Variants in PRUNE2 observed in about 807,000 individuals in gnomAD.
The protein encoded by PRUNE2 is protein prune homolog 2.
PRUNE2 carries 164 observed loss-of-function variants against 252.0 expected under a neutral mutation model. The ratio of observed to expected loss-of-function variants is 0.65; its 90% CI spans 0.57 to 0.74. PRUNE2 has a LOEUF of 0.74. Among genes scored for constraint, PRUNE2 ranks in the 30% least tolerant of loss-of-function variants. The pLI, the probability that PRUNE2 is intolerant of heterozygous loss-of-function variation, is 0.00. For missense variants in PRUNE2, 3,495 were observed against 3,711.0 expected, an observed-to-expected ratio of 0.94 and a Z score of 1.51; for synonymous variants, 1,292 against 1,350.2, an observed-to-expected ratio of 0.96 and a Z score of 0.94.
rs192056511 is a variant in PRUNE2 at position 76,670,230 on chromosome 9, C to T, written c.8277-14728G>A. On this transcript the variant is annotated intron_variant, in intron 9 of 18. Transcript: ENST00000376718. Reference sequence around the variant, plus strand: ...GAGCCGAAGCAGGGCGAGGCATTGCCTCCCTTGGGAAGCGCGAGGGGTCAG... The same window carrying T: ...GAGCCGAAGCAGGGCGAGGCATTGCTTCCCTTGGGAAGCGCGAGGGGTCAG... Among the ~76,000 whole-genome samples, 26 of 152,320 alleles carry T rather than the reference C, an allele frequency of 1.7e-4. No homozygotes were observed. In the East Asian group the frequency reaches 1.9e-3, roughly 11 times the overall value.
intron 6 of PRUNE2, among the ~76,000 whole-genome samples, chr9:76,743,404 G>A (rs12345844): frequency 0.011 from 1,711 of 152,314 alleles, 30 homozygotes; most frequent in African/African-American, 0.038. Flanking sequence ...AGATATACAC[G>A]TGAGAATAGT....
At chr9:76,847,260 A>AG (rs1477116724) in intron 3 of PRUNE2, among the ~76,000 whole-genome samples, 13 of 151,412 alleles carry the variant, frequency 8.6e-5, no homozygotes, top group African/African-American at 2.9e-4. Context: ...ATGGAGGCTG[A>AG]GGTTGCAGTG....
chr9:76,642,001 T>TAAAAAAAAAAAAAAAAAAAGAAA, intron 12 of PRUNE2: 1 of 1,010,458 alleles, frequency 9.9e-7, no homozygotes, highest in Admixed American at 3.4e-5. Context: ...ATAAGAGAAG[T>TAAAAAAAAAAAAAAAAAAAGAAA]AAAAAAAAAA....
intron 6 of PRUNE2, among the ~76,000 whole-genome samples, chr9:76,776,945 CAA>C: frequency 7.2e-6 from 1 of 138,670 alleles, no homozygotes; most frequent in Non-Finnish European, 1.5e-5. Context: ...CACACACACA[CAA>C]AGGGCCTGGA....
chr9:76,858,018 C>A (rs1260363065), intron 1 of PRUNE2, among the ~76,000 whole-genome samples: 2 of 152,188 alleles, frequency 1.3e-5, no homozygotes, highest in Non-Finnish European at 2.9e-5. Flanking sequence ...AATCTTAATA[C>A]TGATGTCCCT....
chr9:76,724,149 AG>A (rs2047890399), intron 6 of PRUNE2, among the ~76,000 whole-genome samples: 1 of 149,754 alleles, frequency 6.7e-6, no homozygotes, highest in Non-Finnish European at 1.5e-5. Context: ...TTCATCTGAA[AG>A]CACAGGTTAA....
chr9:76,846,088 C>T (rs941497588), intron 4 of PRUNE2, among the ~76,000 whole-genome samples: 4 of 152,126 alleles, frequency 2.6e-5, no homozygotes, highest in East Asian at 1.9e-4. Flanking sequence ...ATGAAGGGTA[C>T]GTATTTTGCC....
At chr9:76,882,951 T>C (rs1220866641) in intron 1 of PRUNE2, among the ~76,000 whole-genome samples, 1 of 152,076 alleles carries the variant, frequency 6.6e-6, no homozygotes, top group East Asian at 1.9e-4. Flanking sequence ...CCAGAGCTGC[T>C]CTTTATTAGG....
intron 6 of PRUNE2, among the ~76,000 whole-genome samples, chr9:76,715,045 T>C (rs1376127001): frequency 1.3e-5 from 2 of 152,338 alleles, no homozygotes; most frequent in African/African-American, 2.4e-5. Flanking sequence ...CTGATTATAA[T>C]AGCAATCAGA....
intron 9 of PRUNE2, among the ~76,000 whole-genome samples, chr9:76,671,122 C>T (rs1003321939): frequency 1.3e-4 from 20 of 151,692 alleles, no homozygotes; most frequent in Middle Eastern, 6.8e-3. Flanking sequence ...AGGAGGACAT[C>T]CAAACCAAAG....
At chr9:76,883,277 C>T (rs2061898473) in intron 1 of PRUNE2, among the ~76,000 whole-genome samples, 1 of 152,228 alleles carries the variant, frequency 6.6e-6, no homozygotes. Flanking sequence ...ATCCATCTTA[C>T]TCCCCACAGT....
At chr9:76,833,375 A>G (rs1232988661) in intron 4 of PRUNE2, among the ~76,000 whole-genome samples, 1 of 152,228 alleles carries the variant, frequency 6.6e-6, no homozygotes, top group Non-Finnish European at 1.5e-5. Flanking sequence ...TCAAGTAGTA[A>G]AACTACTTCA....
chr9:76,714,672 C>T (rs996316613), intron 6 of PRUNE2, among the ~76,000 whole-genome samples: 5 of 152,218 alleles, frequency 3.3e-5, no homozygotes, highest in African/African-American at 1.2e-4. Flanking sequence ...GCTGGGCTTA[C>T]AGGCGTAAGA....
intron 9 of PRUNE2, among the ~76,000 whole-genome samples, chr9:76,678,710 T>C (rs1242267502): frequency 6.6e-6 from 1 of 152,112 alleles, no homozygotes; most frequent in Non-Finnish European, 1.5e-5. Context: ...GCGCCTGTAG[T>C]CCCAGCTACT....
chr9:76,829,847 T>C (rs2058569231), intron 4 of PRUNE2, among the ~76,000 whole-genome samples: 1 of 152,006 alleles, frequency 6.6e-6, no homozygotes, highest in South Asian at 2.1e-4. Flanking sequence ...TTTAGTCTCA[T>C]CATCTCCACA....
intron 6 of PRUNE2, among the ~76,000 whole-genome samples, chr9:76,746,584 AG>A (rs1249198122): frequency 6.6e-6 from 1 of 151,658 alleles, no homozygotes; most frequent in Non-Finnish European, 1.5e-5. Context: ...GGGCGCCTGT[AG>A]TCCCAGCTAC....
In PRUNE2 at chr9:76,846,573, C is replaced by T. The variant is rs1335619678; in HGVS notation, c.450G>A (p.Lys150=). ...FRESSSSLVL[K]EILQEAPELI... ...GCTCAGGAGCCTCTTGGAGAATCTC[C>T]TTTAGCACGAGAGAAGAGGAAGACT... Residue 150 remains lysine, a synonymous_variant, in exon 4 of 19, where the codon AAG becomes AAA. Transcript: ENST00000376718. 1 of 1,614,162 alleles carries T rather than the reference C, an allele frequency of 6.2e-7. No homozygotes were observed. Among genetic ancestry groups the T allele is most frequent in the East Asian group, 2.2e-5 (1 of 44,886 alleles).
intron 5 of PRUNE2, 109 bp from the exon 6 acceptor site, chr9:76,823,835 CT>C: frequency 1.5e-6 from 1 of 670,658 alleles, no homozygotes; most frequent in Non-Finnish European, 2.6e-6. Flanking sequence ...TTCTTTGCCC[CT>C]CAAATGTCAC....
chr9:76,650,452 G>C (rs186544126), intron 11 of PRUNE2, among the ~76,000 whole-genome samples: 1 of 152,102 alleles, frequency 6.6e-6, no homozygotes, highest in South Asian at 2.1e-4. Flanking sequence ...CAAAATGGTC[G>C]CGTGAGAAAC....
Sources: allele counts gnomAD v4.1 joint callset (sites outside exome capture counted in the v4.1 genomes callset), GRCh38; gene constraint gnomAD v4.1.1; transcripts MANE v1.5; gene names NCBI Gene and HGNC (gene_info 2026-07-23, HGNC 2026-07-21).